CTXND2: variants seen among roughly 807,000 people sequenced by gnomAD.
The protein encoded by CTXND2 is cortexin domain containing 2.
At chr1:150,900,777 C>T (rs1465056916) in intron 1 of CTXND2, among the ~76,000 whole-genome samples, 2 of 152,022 alleles carry the variant, frequency 1.3e-5, no homozygotes, top group Admixed American at 6.6e-5. Context: ...ACCACACATT[C>T]AATAGAAAAA....
chr1:150,910,739 C>A (rs1274222751), intron 1 of CTXND2, among the ~76,000 whole-genome samples: 1 of 150,630 alleles, frequency 6.6e-6, no homozygotes, highest in Non-Finnish European at 1.5e-5. Context: ...TCAAGTGATT[C>A]TCCTGCCTCA....
At chr1:150,901,057 A>G (rs769851409) in intron 1 of CTXND2, among the ~76,000 whole-genome samples, 45 of 152,278 alleles carry the variant, frequency 3.0e-4, no homozygotes, top group Non-Finnish European at 5.4e-4. Flanking sequence ...GGCTGCAGTG[A>G]GCCACGATCA....
intron 1 of CTXND2, among the ~76,000 whole-genome samples, chr1:150,894,854 G>C (rs1292143843): frequency 1.3e-5 from 2 of 152,006 alleles, no homozygotes; most frequent in South Asian, 4.1e-4. Context: ...TGGCCAACAT[G>C]GTGAAACCCC....
chr1:150,903,815 AT>A, intron 1 of CTXND2: 22 of 419,158 alleles, frequency 5.2e-5, no homozygotes, highest in Non-Finnish European at 8.2e-5. Flanking sequence ...AAAAAAAAAA[AT>A]TGCCTTTATG....
chr1:150,893,180 G>A, intron 1 of CTXND2, among the ~76,000 whole-genome samples: 1 of 151,978 alleles, frequency 6.6e-6, no homozygotes, highest in East Asian at 1.9e-4. Context: ...CTGGTATTTA[G>A]AAATATAATT....
intron 1 of CTXND2, among the ~76,000 whole-genome samples, chr1:150,888,461 C>T (rs778888393): frequency 3.9e-4 from 59 of 151,692 alleles, no homozygotes; most frequent in Non-Finnish European, 7.2e-4. Flanking sequence ...GGTGATCCCC[C>T]GCGACCTCGG....
chr1:150,911,998 T>C (rs976939177), intron 1 of CTXND2, among the ~76,000 whole-genome samples: 2 of 152,216 alleles, frequency 1.3e-5, no homozygotes, highest in Non-Finnish European at 1.5e-5. Context: ...GCCCAACTGA[T>C]TCCTAGGTTA....
chr1:150,900,834 TAAAA>T (rs984959411), intron 1 of CTXND2, among the ~76,000 whole-genome samples: 3 of 152,120 alleles, frequency 2.0e-5, no homozygotes, highest in South Asian at 4.1e-4. Flanking sequence ...ATATAACTGT[TAAAA>T]AAACAATTCG....
chr1:150,888,740 G>C (rs758469170), intron 1 of CTXND2, among the ~76,000 whole-genome samples: 1 of 151,886 alleles, frequency 6.6e-6, no homozygotes, highest in African/African-American at 2.4e-5. Context: ...ACCCAGGCTG[G>C]AGTGCAGTGG....
chr1:150,908,563 C>T (rs1669193699), intron 1 of CTXND2, among the ~76,000 whole-genome samples: 1 of 152,092 alleles, frequency 6.6e-6, no homozygotes, highest in South Asian at 2.1e-4. Flanking sequence ...CTTCCTTATG[C>T]AGAAAAAGAA....
rs144935245 is a variant in CTXND2 at position 150,900,204 on chromosome 1, C to T, written c.-73-12038C>T. ...TACCTTTATGAGTTGTAATACTCAC[C>T]GTGAAGGTCTGTAGCTTCACTCCTG... On this transcript the variant is annotated intron_variant, in intron 1 of 1. Transcript: ENST00000636087. Among the ~76,000 whole-genome samples the T allele has an allele frequency of 1.9e-3, 295 of 152,160 alleles. 1 individual carries two copies. The Middle Eastern group carries it at 0.034, about 18-fold the overall frequency.
At chr1:150,902,361 T>A (rs1384514346) in intron 1 of CTXND2, among the ~76,000 whole-genome samples, 1 of 151,118 alleles carries the variant, frequency 6.6e-6, no homozygotes, top group African/African-American at 2.4e-5. Flanking sequence ...GAGCTGAGAT[T>A]GGGCCACTGC....
intron 1 of CTXND2, among the ~76,000 whole-genome samples, chr1:150,907,559 T>C (rs1467046166): frequency 2.6e-5 from 4 of 152,204 alleles, no homozygotes; most frequent in South Asian, 2.1e-4. Flanking sequence ...CATTTATAAG[T>C]TGATGGACAT....
At chr1:150,903,627 G>A (rs997215792) in intron 1 of CTXND2, among the ~76,000 whole-genome samples, 7 of 151,732 alleles carry the variant, frequency 4.6e-5, no homozygotes, top group East Asian at 1.9e-4. Context: ...GTGACACCCC[G>A]TCGCTACTAA....
chr1:150,894,818 C>T (rs1233401054), intron 1 of CTXND2, among the ~76,000 whole-genome samples: 3 of 152,052 alleles, frequency 2.0e-5, no homozygotes, highest in African/African-American at 7.2e-5. Context: ...GGTGGATCAC[C>T]TGAGGTCAGG....
chr1:150,889,705 G>A (rs1018160989), intron 1 of CTXND2, among the ~76,000 whole-genome samples: 2 of 152,156 alleles, frequency 1.3e-5, no homozygotes, highest in South Asian at 2.1e-4. Flanking sequence ...ACTCTTGCCA[G>A]TTATCTTCCT....
At chr1:150,905,222 C>A (rs1669118856) in intron 1 of CTXND2, among the ~76,000 whole-genome samples, 3 of 150,852 alleles carry the variant, frequency 2.0e-5, no homozygotes, top group African/African-American at 7.3e-5. Flanking sequence ...TGGCTCACTG[C>A]AACTTCTACC....
At chr1:150,890,668 T>C (rs1009549969) in intron 1 of CTXND2, among the ~76,000 whole-genome samples, 2 of 151,990 alleles carry the variant, frequency 1.3e-5, no homozygotes, top group Admixed American at 1.3e-4. Flanking sequence ...CACGCCTGGC[T>C]AATTTTGTAT....
chr1:150,891,404 A>G (rs907096133), intron 1 of CTXND2, among the ~76,000 whole-genome samples: 3 of 151,974 alleles, frequency 2.0e-5, no homozygotes, highest in African/African-American at 4.8e-5. Flanking sequence ...TAGTAGAGAC[A>G]GGGTTTCACT....
Sources: gnomAD v4.1 joint callset for allele counts (sites outside exome capture counted in the v4.1 genomes callset) on GRCh38, gnomAD v4.1.1 for gene constraint, MANE v1.5 for transcripts, NCBI Gene and HGNC (gene_info 2026-07-23, HGNC 2026-07-21) for gene names.